CACNG6: variants seen among roughly 807,000 people sequenced by gnomAD.
The protein encoded by CACNG6 is voltage-dependent calcium channel gamma-6 subunit.
A neutral mutation model predicts 23.9 loss-of-function variants in CACNG6; 21 were observed. That is an observed-to-expected ratio of 0.88 (90% CI 0.62 to 1.26). The LOEUF is 1.26. Among genes scored for constraint, CACNG6 ranks in the 50% most tolerant of loss-of-function variants. The pLI, the probability that CACNG6 is intolerant of heterozygous loss-of-function variation, is 0.00. For synonymous variants in CACNG6, 182 were observed against 168.9 expected, an observed-to-expected ratio of 1.08 and a Z score of -0.60; for missense variants, 340 against 352.9, an observed-to-expected ratio of 0.96 and a Z score of 0.29.
At chr19:54,006,210 C>T (rs307963) in intron 3 of CACNG6, among the ~76,000 whole-genome samples, 111,832 of 151,686 alleles carry the variant, frequency 0.74, 41,728 homozygotes, top group East Asian at 0.95. Flanking sequence ...AAATTCTCTG[C>T]TTATTTATGC....
chr19:54,012,486 G>A lies in CACNG6; in HGVS notation c.*297G>A, dbSNP rs770204416. ...GGGTAGCTGGGGTGTGGGGTTGGGG[G>A]ATGAGGTCAGGGGGTCTTGGGTGGG... On this transcript the variant is annotated 3_prime_UTR_variant, in exon 4 of 4. Coordinates refer to ENST00000252729, the MANE Select transcript of CACNG6 (RefSeq NM_145814.2). 2.0e-3 allele frequency: 303 copies of A among 155,062 alleles called. 1 individual carries two copies. The highest frequency in any genetic ancestry group is 3.4e-3 in the Non-Finnish European group (252 of 73,386). 9.6% of individuals were successfully genotyped at this position (155,062 alleles called of 1,614,324 possible).
rs753267707 is a variant in CACNG6 at position 54,012,250 on chromosome 19, C to G, written c.*61C>G. ...CCCTTTGACCTTCTCCATTGTACCC[C>G]CAAGATCTTTTTGCCCCATCTCCTA... is the stretch of plus-strand genomic sequence containing the variant. On this transcript the variant is annotated 3_prime_UTR_variant, in exon 4 of 4. Coordinates refer to ENST00000252729, the MANE Select transcript of CACNG6 (RefSeq NM_145814.2). The G allele has an allele frequency of 2.7e-6, 2 of 749,260 alleles. No homozygotes were observed. Among genetic ancestry groups the G allele is most frequent in the Non-Finnish European group, 4.0e-6 (2 of 502,920 alleles). 46.4% of individuals were successfully genotyped at this position (749,260 alleles called of 1,614,324 possible).
intron 1 of CACNG6, among the ~76,000 whole-genome samples, chr19:53,995,448 G>A (rs1418788305): frequency 6.6e-6 from 1 of 152,168 alleles, no homozygotes; most frequent in Non-Finnish European, 1.5e-5. Flanking sequence ...ATGTGGGGGT[G>A]ACCCTTACCC....
intron 3 of CACNG6, among the ~76,000 whole-genome samples, chr19:54,010,992 A>G (rs2069700274): frequency 6.6e-6 from 1 of 151,620 alleles, no homozygotes; most frequent in South Asian, 2.1e-4. Context: ...CAATTAGCCT[A>G]TCCACCTCTT....
rs158198 is a variant in CACNG6 at position 53,999,531 on chromosome 19, C to T, written c.407-103C>T. 19,104 of 1,350,070 alleles carry T rather than the reference C, an allele frequency of 0.014. 1,815 individuals carry two copies. The African/African-American group carries it at 0.22, about 16-fold the overall frequency. The allele number at this position is 1,350,070 out of a possible 1,614,324, so 83.6% of individuals were successfully genotyped here. A position where few individuals can be genotyped will look rare whatever the true frequency, so the allele number is the denominator to read the frequency against. On this transcript the variant is annotated intron_variant, in intron 2 of 3. Coordinates refer to ENST00000252729, the MANE Select transcript of CACNG6 (RefSeq NM_145814.2). The stretch of plus-strand genomic sequence containing the variant: ...ATACTCTACTTGAAAATTCTTCTCT[C>T]GTCCCGAATCTTACATCTTCCTGGT...
chr19:54,005,362 C>G (rs1275488784), intron 3 of CACNG6, among the ~76,000 whole-genome samples: 1 of 151,306 alleles, frequency 6.6e-6, no homozygotes, highest in Non-Finnish European at 1.5e-5. Flanking sequence ...GAGTTCGAGA[C>G]CAGCCTGGGC....
chr19:53,992,566 A>C lies in CACNG6; in HGVS notation c.-312A>C, dbSNP rs1164148025. On this transcript the variant is annotated 5_prime_UTR_variant, in exon 1 of 4. Coordinates refer to ENST00000252729, the MANE Select transcript of CACNG6 (RefSeq NM_145814.2). The surrounding 1 kb of genome is among the most constrained non-coding windows in gnomAD (Gnocchi z 4.1). ...CTGGGAAGCCGAATTCTATCTCTAA[A>C]CCTCAGGGTGGGGGCCTTGTTTTTC... The C allele has an allele frequency of 1.3e-5, 3 of 225,278 alleles. No individual in the cohort carries two copies. The highest frequency in any genetic ancestry group is 6.9e-5 in the African/African-American group (3 of 43,484). The allele number at this position is 225,278 out of a possible 1,614,324, so 14.0% of individuals were successfully genotyped here.
Position 54,012,351 on chromosome 19 carries a change from C to T in CACNG6, c.*162C>T. The T allele has an allele frequency of 1.6e-5, 7 of 451,116 alleles. No homozygotes were observed. The highest frequency in any genetic ancestry group is 2.8e-5 in the Non-Finnish European group (7 of 254,050). The allele number at this position is 451,116 out of a possible 1,614,324, so 27.9% of individuals were successfully genotyped here. On this transcript the variant is annotated 3_prime_UTR_variant, in exon 4 of 4. Coordinates refer to ENST00000252729, the MANE Select transcript of CACNG6 (RefSeq NM_145814.2). ...CCTCCTGTCCCCTTATCCTTTCTCC[C>T]TCTGTAAATACGTTTTTCTCTGTGG...
chr19:54,010,751 ATT>A (rs1057295522), intron 3 of CACNG6, among the ~76,000 whole-genome samples: 2 of 146,240 alleles, frequency 1.4e-5, no homozygotes, highest in South Asian at 4.3e-4. Flanking sequence ...ATTTTTTAAA[ATT>A]TTTTTTTTGT....
In CACNG6 at chr19:54,011,932, G is replaced by A. The variant is rs764897530; in HGVS notation, c.545-19G>A. ...TGGGGTCGCGGGCGTCTGACTGCGA[G>A]CTGTCCTCTCTCCCGCAGGCCTGCT... On this transcript the variant is annotated intron_variant, in intron 3 of 3. Coordinates refer to ENST00000252729, the MANE Select transcript of CACNG6 (RefSeq NM_145814.2). The A allele has an allele frequency of 2.1e-6, 3 of 1,453,054 alleles. No homozygotes were observed. The highest frequency in any genetic ancestry group is 2.7e-6 in the Non-Finnish European group (3 of 1,098,000). 90.0% of individuals were successfully genotyped at this position (1,453,054 alleles called of 1,614,324 possible).
chr19:53,997,791 C>T (rs1300406291), intron 1 of CACNG6, among the ~76,000 whole-genome samples: 1 of 152,138 alleles, frequency 6.6e-6, no homozygotes, highest in Non-Finnish European at 1.5e-5. Context: ...CGCAGGAGCT[C>T]TTTGTGTGTT....
intron 3 of CACNG6, among the ~76,000 whole-genome samples, chr19:54,011,243 C>CAA (rs2145970423): frequency 7.3e-6 from 1 of 136,502 alleles, no homozygotes; most frequent in African/African-American, 2.8e-5. Context: ...CACACACACA[C>CAA]ACAAAAATTA....
At chr19:54,007,112 G>A (rs1055819539) in intron 3 of CACNG6, among the ~76,000 whole-genome samples, 6 of 151,984 alleles carry the variant, frequency 3.9e-5, no homozygotes, top group African/African-American at 7.2e-5. Flanking sequence ...GCAGTGGTTC[G>A]ATCTCAGCTC....
chr19:54,011,227 T>TATATATATATACACACAC (rs1442985544), intron 3 of CACNG6, among the ~76,000 whole-genome samples: 1 of 95,296 alleles, frequency 1.0e-5, no homozygotes, highest in African/African-American at 5.8e-5. Context: ...TATATATATA[T>TATATATATATACACACAC]ACACACACAC....
intron 3 of CACNG6, among the ~76,000 whole-genome samples, chr19:54,002,275 G>GTTTTTTTTTTTTTTT (rs1174799698): frequency 8.6e-5 from 10 of 116,428 alleles, no homozygotes; most frequent in African/African-American, 4.2e-4. Context: ...CGGTTTTTTT[G>GTTTTTTTTTTTTTTT]TTTTTTTTGT....
chr19:53,992,869 G>C lies in CACNG6; in HGVS notation c.-9G>C. The C allele has an allele frequency of 7.3e-7, 1 of 1,377,980 alleles. No individual in the cohort carries two copies. The highest frequency in any genetic ancestry group is 9.4e-7 in the Non-Finnish European group (1 of 1,063,722). The allele number at this position is 1,377,980 out of a possible 1,614,324, so 85.4% of individuals were successfully genotyped here. A position where few individuals can be genotyped will look rare whatever the true frequency, so the allele number is the denominator to read the frequency against. On this transcript the variant is annotated 5_prime_UTR_variant, in exon 1 of 4. Transcript: ENST00000252729. The surrounding 1 kb of genome is among the most constrained non-coding windows in gnomAD (Gnocchi z 4.1). ...CCTCCTCCCCCTTCCCGACCCCACC[G>C]GCCATAAGATGATGTGGTCCAACTT...
intron 3 of CACNG6, among the ~76,000 whole-genome samples, chr19:54,006,270 GCTCT>G (rs2069643861): frequency 6.6e-6 from 1 of 150,982 alleles, no homozygotes; most frequent in Non-Finnish European, 1.5e-5. Context: ...AGCCTGGGTG[GCTCT>G]CTATTTATTT....
intron 3 of CACNG6, among the ~76,000 whole-genome samples, chr19:54,005,923 C>G (rs2145964332): frequency 6.6e-6 from 1 of 151,580 alleles, no homozygotes; most frequent in Non-Finnish European, 1.5e-5. Flanking sequence ...AACCCTGTCT[C>G]TACTAAAAAT....
In CACNG6 at chr19:53,998,289, A is replaced by G; in HGVS notation, c.382A>G (p.Ile128Val). ...KFFTTGENAR[I>V]FQRTTKKEVN... ...CTTCACCACGGGGGAGAATGCACGC[A>G]TCTTTCAGAGAACCACAAAGAAAGG... The change falls in exon 2 of 4, where the codon ATC becomes GTC. Residue 128 changes from isoleucine to valine, a missense_variant. Transcript: ENST00000252729. 1 of 1,614,030 alleles carries G rather than the reference A, an allele frequency of 6.2e-7. No homozygotes were observed. Among genetic ancestry groups the G allele is most frequent in the Non-Finnish European group, 8.5e-7 (1 of 1,179,974 alleles).
Sources: gnomAD v4.1 joint callset for allele counts (sites outside exome capture counted in the v4.1 genomes callset) on GRCh38, gnomAD v4.1.1 for gene constraint, Gnocchi (gnomAD v3.1) non-coding constraint, MANE v1.5 for transcripts, NCBI Gene and HGNC (gene_info 2026-07-23, HGNC 2026-07-21) for gene names.